Variants in ADAMTS3 observed in about 807,000 individuals in gnomAD.
ADAMTS3 encodes the protein ADAM metallopeptidase with thrombospondin type 1 motif 3, also known as A disintegrin and metalloproteinase with thrombospondin motifs 3.
In ADAMTS3, 73 loss-of-function variants were observed where a neutral mutation model predicts 129.0. That is an observed-to-expected ratio of 0.57 (90% CI 0.47 to 0.69). The LOEUF (loss-of-function observed/expected upper bound fraction) is 0.69. ADAMTS3 is among the 30% of genes least tolerant of loss of function. ADAMTS3 has a pLI of 0.00. For missense variants in ADAMTS3, 1,457 were observed against 1,514.5 expected, an observed-to-expected ratio of 0.96 and a Z score of 0.63; for synonymous variants, 477 against 510.8, an observed-to-expected ratio of 0.93 and a Z score of 0.89.
At chr4:72,330,402 C>CT (rs1332751458) in intron 5 of ADAMTS3, 2 of 152,052 alleles carry the variant, frequency 1.3e-5, no homozygotes, top group Non-Finnish European at 2.9e-5. Flanking sequence ...ACAGGACTAT[C>CT]TATTTGGAAG....
At chr4:72,302,705 T>A (rs1330345567) in intron 17 of ADAMTS3, among the ~76,000 whole-genome samples, 1 of 152,006 alleles carries the variant, frequency 6.6e-6, no homozygotes, top group Non-Finnish European at 1.5e-5. Context: ...ACTGAGTATA[T>A]CACAGTCAAA....
chr4:72,483,176 G>A (rs1191552540), intron 3 of ADAMTS3, among the ~76,000 whole-genome samples: 2 of 151,968 alleles, frequency 1.3e-5, no homozygotes, highest in Non-Finnish European at 2.9e-5. Context: ...GAAAAAAAAG[G>A]CGTACATATT....
At chr4:72,464,218 T>C (rs1260460589) in intron 3 of ADAMTS3, among the ~76,000 whole-genome samples, 1 of 151,996 alleles carries the variant, frequency 6.6e-6, no homozygotes, top group Non-Finnish European at 1.5e-5. Context: ...ACACTGGCTG[T>C]TTTATCAGAA....
intron 4 of ADAMTS3, among the ~76,000 whole-genome samples, chr4:72,406,088 G>C (rs1204326080): frequency 1.3e-5 from 2 of 152,096 alleles, no homozygotes; most frequent in Non-Finnish European, 2.9e-5. Flanking sequence ...GAGGGCTGCT[G>C]AATCAGTGTC....
Position 72,283,237 on chromosome 4 carries a change from T to G in ADAMTS3, c.3517A>C (p.Ser1173Arg), listed in dbSNP as rs1210454271. Residue 1173 changes from serine to arginine, a missense_variant, in exon 22 of 22, where the codon AGT (serine) becomes CGT (arginine). By Grantham distance (110) the Ser-to-Arg change is moderately radical (BLOSUM62 -1). Coordinates refer to ENST00000286657, the MANE Select transcript of ADAMTS3 (RefSeq NM_014243.3). ...TGAGAAGAAGCACCTATTGAATCAC[T>G]GGCTGCAAAGAAGGAAGCAGCAGCC... ...QMAAASFFAA[S>R]DSIGASSQAR... 6.2e-7 allele frequency: 1 copy of G among 1,614,084 alleles called. No homozygotes were observed. The highest frequency in any genetic ancestry group is 8.5e-7 in the Non-Finnish European group (1 of 1,179,952).
intron 4 of ADAMTS3, among the ~76,000 whole-genome samples, chr4:72,366,970 T>C (rs891971498): frequency 2.0e-5 from 3 of 152,046 alleles, no homozygotes; most frequent in Non-Finnish European, 2.9e-5. Flanking sequence ...TTTGCTCTCC[T>C]CTCATCTTTT....
At chr4:72,554,088 T>C (rs1189377068) in intron 2 of ADAMTS3, among the ~76,000 whole-genome samples, 1 of 152,180 alleles carries the variant, frequency 6.6e-6, no homozygotes, top group Non-Finnish European at 1.5e-5. Flanking sequence ...TTCCTCATTC[T>C]AGAGTTTAAT....
At chr4:72,321,589 G>T (rs1719557015) in intron 6 of ADAMTS3, among the ~76,000 whole-genome samples, 1 of 152,236 alleles carries the variant, frequency 6.6e-6, no homozygotes, top group African/African-American at 2.4e-5. Context: ...CATTGAGAAA[G>T]ATTCTGGCAT....
chr4:72,566,610 T>C (rs985429122), intron 2 of ADAMTS3, among the ~76,000 whole-genome samples: 1 of 152,248 alleles, frequency 6.6e-6, no homozygotes, highest in African/African-American at 2.4e-5. Context: ...TTTAAAGTAA[T>C]CCAAGTAAAA....
chr4:72,386,645 C>A (rs540555342), intron 4 of ADAMTS3, among the ~76,000 whole-genome samples: 36 of 152,190 alleles, frequency 2.4e-4, no homozygotes, highest in African/African-American at 7.2e-4. Flanking sequence ...AGCAACCAGA[C>A]AAACACACAG....
At chr4:72,301,106 A>G (rs1718939212) in intron 17 of ADAMTS3, among the ~76,000 whole-genome samples, 1 of 152,230 alleles carries the variant, frequency 6.6e-6, no homozygotes, top group South Asian at 2.1e-4. Context: ...ATGCAAAAAT[A>G]AGGACCTAAC....
chr4:72,415,223 A>G (rs1722275826), intron 3 of ADAMTS3, among the ~76,000 whole-genome samples: 1 of 152,072 alleles, frequency 6.6e-6, no homozygotes, highest in Non-Finnish European at 1.5e-5. Context: ...TAGGATAAGA[A>G]TAGGGAAATC....
intron 3 of ADAMTS3, among the ~76,000 whole-genome samples, chr4:72,444,015 A>G (rs1284043145): frequency 6.6e-6 from 1 of 151,746 alleles, no homozygotes; most frequent in Admixed American, 6.6e-5. Flanking sequence ...CATTGTTTTT[A>G]TCATCATATG....
chr4:72,399,665 A>T (rs1179384220), intron 4 of ADAMTS3, among the ~76,000 whole-genome samples: 1 of 150,796 alleles, frequency 6.6e-6, no homozygotes. Flanking sequence ...GGAACTTAGA[A>T]AACTGTCAAG....
chr4:72,535,383 ATCAGC>A, intron 3 of ADAMTS3, among the ~76,000 whole-genome samples: 1 of 152,270 alleles, frequency 6.6e-6, no homozygotes, highest in Non-Finnish European at 1.5e-5. Flanking sequence ...GCTTCGTACG[ATCAGC>A]TCAGAAGTTG....
At chr4:72,520,623 G>A (rs1448718288) in intron 3 of ADAMTS3, among the ~76,000 whole-genome samples, 20 of 152,290 alleles carry the variant, frequency 1.3e-4, no homozygotes, top group African/African-American at 4.1e-4. Context: ...GTGAGACTCC[G>A]TGGGCGTAGG....
chr4:72,538,914 A>G (rs999313463), intron 3 of ADAMTS3, among the ~76,000 whole-genome samples: 1 of 152,184 alleles, frequency 6.6e-6, no homozygotes, highest in Non-Finnish European at 1.5e-5. Flanking sequence ...TCAATTGAGA[A>G]AAGACAGTCT....
chr4:72,327,134 C>T (rs1719719400), intron 5 of ADAMTS3, among the ~76,000 whole-genome samples: 1 of 152,026 alleles, frequency 6.6e-6, no homozygotes, highest in Non-Finnish European at 1.5e-5. Context: ...ATTATTTAGA[C>T]TTTTTAAAAT....
intron 3 of ADAMTS3, among the ~76,000 whole-genome samples, chr4:72,471,467 T>C (rs1719070319): frequency 6.6e-6 from 1 of 152,130 alleles, no homozygotes; most frequent in Non-Finnish European, 1.5e-5. Context: ...AGTGCTAGTA[T>C]TTGTTGAGTT....
Sources: allele counts gnomAD v4.1 joint callset (sites outside exome capture counted in the v4.1 genomes callset), GRCh38; gene constraint gnomAD v4.1.1; transcripts MANE v1.5; gene names NCBI Gene and HGNC (gene_info 2026-07-23, HGNC 2026-07-21).